APAF1: variants seen among roughly 807,000 people sequenced by gnomAD.
APAF1 encodes the protein apoptotic protease-activating factor 1.
A neutral mutation model predicts 152.4 loss-of-function variants in APAF1; 91 were observed. The observed-to-expected ratio is 0.60, with a 90% confidence interval of 0.50 to 0.71. The LOEUF (loss-of-function observed/expected upper bound fraction) is 0.71, where lower values mean the gene tolerates loss of function less well. APAF1 is among the 30% of genes least tolerant of loss of function. The probability of loss-of-function intolerance (pLI) is 0.00; values close to 1 mark genes in which losing one functional copy is unlikely to be tolerated. For synonymous variants in APAF1, 484 were observed against 494.1 expected, an observed-to-expected ratio of 0.98 and a Z score of 0.27; for missense variants, 1,283 against 1,472.0, an observed-to-expected ratio of 0.87 and a Z score of 2.10.
chr12:98,718,273 C>T (rs545673668), intron 22 of APAF1, among the ~76,000 whole-genome samples: 56 of 151,918 alleles, frequency 3.7e-4, no homozygotes, highest in Non-Finnish European at 6.6e-4. Flanking sequence ...TGCTCTATTG[C>T]CTAGGCCGGA....
chr12:98,708,553 A>T, intron 19 of APAF1, 32 bp from the exon 20 acceptor site: 2 of 1,606,422 alleles, frequency 1.2e-6, no homozygotes, highest in Middle Eastern at 1.9e-4. Context: ...TATTTTAGAG[A>T]TGGAATGATA....
In APAF1 at chr12:98,648,483, A is replaced by G; in HGVS notation, c.124A>G (p.Lys42Glu). The G allele has an allele frequency of 6.2e-7, 1 of 1,613,812 alleles. No individual in the cohort carries two copies. The highest frequency in any genetic ancestry group is 1.7e-5 in the Admixed American group (1 of 60,016). The change falls in exon 2 of 27, where the codon AAA becomes GAA. Residue 42 changes from lysine (K) to glutamate (E), a missense_variant. Lys to Glu is a moderately conservative substitution (Grantham distance 56). Transcript: ENST00000551964. ...DGFLTISEEE[K>E]VRNEPTQQQR... is the part of the protein sequence containing the mutation. ...ATTTTTAACAATATCAGAAGAGGAA[A>G]AAGTAAGAAATGAGGTAAAGCTCTC...
chr12:98,707,305 T>C (rs1389677966), intron 19 of APAF1, among the ~76,000 whole-genome samples: 1 of 152,214 alleles, frequency 6.6e-6, no homozygotes, highest in African/African-American at 2.4e-5. Context: ...CGTAGTTCCC[T>C]GCTTCTGTGC....
chr12:98,711,349 T>C (rs2097727719), intron 20 of APAF1, among the ~76,000 whole-genome samples: 1 of 152,228 alleles, frequency 6.6e-6, no homozygotes, highest in African/African-American at 2.4e-5. Context: ...TGGGAGAGTT[T>C]AGAGGATAAA....
chr12:98,719,536 T>G (rs1565892825), intron 22 of APAF1, among the ~76,000 whole-genome samples: 1 of 149,974 alleles, frequency 6.7e-6, no homozygotes, highest in Admixed American at 6.6e-5. Flanking sequence ...TTTTTTTTAG[T>G]AGAGTTGGGG....
rs1250180224 is a variant in APAF1 at position 98,645,446 on chromosome 12, A to C, written c.-431A>C. On this transcript the variant is annotated 5_prime_UTR_variant, in exon 1 of 27. Transcript: ENST00000551964. Reference sequence around the variant, plus strand: ...TAGCGCCGGGCTCCCTCCGGGGTGCAGCCGCCGTCGGGGGAAGGGCGCCAC... The same window carrying C: ...TAGCGCCGGGCTCCCTCCGGGGTGCCGCCGCCGTCGGGGGAAGGGCGCCAC... The C allele has an allele frequency of 6.6e-6, 1 of 152,328 alleles. No individual in the cohort carries two copies. The highest frequency in any genetic ancestry group is 1.5e-5 in the Non-Finnish European group (1 of 68,160). The allele number at this position is 152,328 out of a possible 1,614,324, so 9.4% of individuals were successfully genotyped here.
intron 22 of APAF1, among the ~76,000 whole-genome samples, chr12:98,718,407 G>C (rs1007762229): frequency 2.0e-5 from 3 of 151,796 alleles, no homozygotes; most frequent in Admixed American, 1.3e-4. Flanking sequence ...TAATTTTTTT[G>C]TATTTTTAGT....
At position 98,671,025 on chromosome 12, in the gene APAF1, T is replaced by C; in HGVS notation, c.1547T>C (p.Leu516Pro). The stretch of plus-strand genomic sequence containing the variant: ...GATTGGATTAAAGCAAAAACAGAAC[T>C]TGTAGGCCCTGCTCATCTGATTCAT... ...SLDWIKAKTELVGPAHLIHEF... is the reference protein window; with the variant it reads ...SLDWIKAKTEPVGPAHLIHEF... Residue 516 changes from leucine to proline, a missense_variant, in exon 11 of 27, where the codon CTT becomes CCT. By Grantham distance (98) the Leu-to-Pro change is moderately conservative. Coordinates refer to ENST00000551964, the MANE Select transcript of APAF1 (RefSeq NM_181861.2). The C allele has an allele frequency of 6.2e-7, 1 of 1,613,086 alleles. No individual in the cohort carries two copies. Among genetic ancestry groups the C allele is most frequent in the Non-Finnish European group, 8.5e-7 (1 of 1,179,590 alleles).
At chr12:98,706,437 C>CA in intron 18 of APAF1, 48 bp from the exon 19 acceptor site, 1 of 1,610,508 alleles carries the variant, frequency 6.2e-7, no homozygotes, top group Non-Finnish European at 8.5e-7. Flanking sequence ...TTGCTCTCTT[C>CA]AAAATGCTTA....
intron 20 of APAF1, 131 bp from the exon 21 acceptor site, chr12:98,712,185 CTTG>C (rs1260782138): frequency 5.7e-6 from 4 of 696,050 alleles, no homozygotes; most frequent in African/African-American, 5.3e-5. Context: ...TAGGATATGG[CTTG>C]TTGTTCCCCT....
chr12:98,721,504 A>T (rs1406766658), intron 22 of APAF1, among the ~76,000 whole-genome samples: 1 of 152,224 alleles, frequency 6.6e-6, no homozygotes, highest in Non-Finnish European at 1.5e-5. Context: ...AAGGTCTTTT[A>T]TGCTTAGTCA....
intron 17 of APAF1, among the ~76,000 whole-genome samples, chr12:98,700,847 A>G (rs950615622): frequency 5.3e-5 from 8 of 152,206 alleles, no homozygotes; most frequent in Non-Finnish European, 7.3e-5. Flanking sequence ...TATAAATGGA[A>G]TCATATAATA....
chr12:98,669,932 GC>G lies in APAF1; in HGVS notation c.1495-1038del, dbSNP rs758439891. ...CCTCTTCCTGCCCTCCCCTCTTCCT[GC>G]CCTTGCCCTTTCTTTGACAGGATCT... On this transcript the variant is annotated intron_variant, in intron 10 of 26. Transcript: ENST00000551964. Among the ~76,000 whole-genome samples the G allele has an allele frequency of 7.0e-4, 82 of 117,546 alleles. 1 individual carries two copies. Among genetic ancestry groups the G allele is most frequent in the Admixed American group, 1.8e-3 (15 of 8,436 alleles). The allele number at this position is 117,546 out of a possible 152,430, so 77.1% of individuals were successfully genotyped here.
intron 4 of APAF1, among the ~76,000 whole-genome samples, chr12:98,657,558 C>T (rs1167652208): frequency 6.6e-6 from 1 of 152,190 alleles, no homozygotes; most frequent in Admixed American, 6.5e-5. Flanking sequence ...ATGTCAAGTC[C>T]TATTCAGTAC....
intron 4 of APAF1, among the ~76,000 whole-genome samples, chr12:98,658,165 A>C (rs2097660212): frequency 6.6e-6 from 1 of 152,130 alleles, no homozygotes; most frequent in Non-Finnish European, 1.5e-5. Context: ...TATTTTACAC[A>C]TAGGGACCCC....
chr12:98,670,899 G>A (rs1162524421), intron 10 of APAF1, 74 bp from the exon 11 acceptor site: 1 of 816,100 alleles, frequency 1.2e-6, no homozygotes. Context: ...TTAGCAGTGT[G>A]AGGTTAATGA....
chr12:98,665,029 C>A, intron 7 of APAF1, among the ~76,000 whole-genome samples: 1 of 151,458 alleles, frequency 6.6e-6, no homozygotes, highest in Non-Finnish European at 1.5e-5. Context: ...TAAACTTAAT[C>A]ATTCTTTTCT....
rs2097768020 is a variant in APAF1, at chr12:98,735,306, T to TGTAA, written c.*2740_*2741insGTAA. The TGTAA allele has an allele frequency of 7.4e-6, 3 of 403,522 alleles. No individual in the cohort carries two copies. The highest frequency in any genetic ancestry group is 6.2e-5 in the African/African-American group (3 of 48,752). 25.0% of individuals were successfully genotyped at this position (403,522 alleles called of 1,614,324 possible). A position where few individuals can be genotyped will look rare whatever the true frequency, so the allele number is the denominator to read the frequency against. Reference sequence around the variant, plus strand: ...AATTTTTTTTTACATTATATGTCTCTTGTATGTTTTGAAACTCTTGTATTT... The same window carrying TGTAA: ...AATTTTTTTTTACATTATATGTCTCTGTAATGTATGTTTTGAAACTCTTGTATTT... On this transcript the variant is annotated 3_prime_UTR_variant, in exon 27 of 27. Transcript: ENST00000551964.
intron 16 of APAF1, among the ~76,000 whole-genome samples, chr12:98,697,888 A>G (rs2097711506): frequency 6.6e-6 from 1 of 152,236 alleles, no homozygotes; most frequent in Non-Finnish European, 1.5e-5. Context: ...CATGTTGATA[A>G]GCATGTGCTT....
Sources: allele counts gnomAD v4.1 joint callset (sites outside exome capture counted in the v4.1 genomes callset), GRCh38; gene constraint gnomAD v4.1.1; transcripts MANE v1.5; gene names NCBI Gene and HGNC (gene_info 2026-07-23, HGNC 2026-07-21).